The following TRPM3 variants were observed in gnomAD, a reference collection of about 807,000 sequenced individuals.
TRPM3 encodes the protein transient receptor potential cation channel subfamily M member 3.
Under a neutral mutation model 181.2 loss-of-function variants are expected in TRPM3, and 77 were observed. That is an observed-to-expected ratio of 0.42 (90% CI 0.35 to 0.51). The LOEUF (loss-of-function observed/expected upper bound fraction) is 0.51. Among genes scored for constraint, TRPM3 ranks in the 20% least tolerant of loss-of-function variants. The pLI is 0.01. For synonymous variants in TRPM3, 745 were observed against 796.4 expected, an observed-to-expected ratio of 0.94 and a Z score of 1.09; for missense variants, 1,759 against 2,196.7, an observed-to-expected ratio of 0.80 and a Z score of 3.98.
intron 1 of TRPM3, among the ~76,000 whole-genome samples, chr9:71,211,652 T>C (rs554326773): frequency 2.0e-5 from 3 of 152,318 alleles, no homozygotes; most frequent in African/African-American, 7.2e-5. Flanking sequence ...TGGCAATCTT[T>C]GGCATGCCTT....
intron 9 of TRPM3, among the ~76,000 whole-genome samples, chr9:70,644,154 A>G (rs1478725661): frequency 6.6e-6 from 1 of 152,222 alleles, no homozygotes; most frequent in Admixed American, 6.5e-5. Flanking sequence ...AGCTAAGGTC[A>G]ACCTCTTCAC....
In TRPM3 at chr9:71,055,217, T is replaced by C. The variant is rs530149756; in HGVS notation, c.177+65961A>G. On this transcript the variant is annotated intron_variant, in intron 1 of 25. Transcript: ENST00000677713. ...AAGAAATTTAATCAGGCAAGTGAGA[T>C]GGATCAAAGAGGAGAGCAAATCAAG... is the stretch of plus-strand genomic sequence containing the variant. Among the ~76,000 whole-genome samples, 85 of 152,146 alleles carry C rather than the reference T, an allele frequency of 5.6e-4. No homozygotes were observed. In the Middle Eastern group the frequency reaches 0.014, roughly 24 times the overall value.
Position 70,650,937 on chromosome 9 carries a change from T to C in TRPM3, c.1346-10277A>G, listed in dbSNP as rs1325361505. 3.9e-5 allele frequency among the ~76,000 whole-genome samples: 6 copies of C among 152,342 alleles called. No homozygotes were observed. The East Asian group carries it at 1.2e-3, about 29-fold the overall frequency. ...ATGAGTGCTTCAATAAGATTAAAAA[T>C]TTTTAAATTTTATGTTACCTACTTA... On this transcript the variant is annotated intron_variant, in intron 9 of 25. Transcript: ENST00000677713.
intron 1 of TRPM3, among the ~76,000 whole-genome samples, chr9:71,369,849 A>T (rs1012248320): frequency 6.6e-6 from 1 of 152,168 alleles, no homozygotes; most frequent in African/African-American, 2.4e-5. Flanking sequence ...CAGATTCAAG[A>T]TTTTGGCAAA....
At chr9:71,439,909 AG>A (rs2094110384) in intron 1 of TRPM3, among the ~76,000 whole-genome samples, 3 of 152,120 alleles carry the variant, frequency 2.0e-5, no homozygotes, top group Admixed American at 2.0e-4. Flanking sequence ...TCACGAGGTC[AG>A]GAGATCGAGA....
At chr9:70,887,260 T>C (rs73459229) in intron 1 of TRPM3, among the ~76,000 whole-genome samples, 10,048 of 152,204 alleles carry the variant, frequency 0.066, 988 homozygotes, top group African/African-American at 0.21. Context: ...CCTGTCAACA[T>C]GTAGTCTCCT....
intron 1 of TRPM3, among the ~76,000 whole-genome samples, chr9:70,882,975 A>C (rs1250338879): frequency 6.6e-6 from 1 of 152,216 alleles, no homozygotes; most frequent in Non-Finnish European, 1.5e-5. Flanking sequence ...CCATGGAAAC[A>C]TTTCCAAAAA....
At chr9:71,406,638 G>C (rs2093440626) in intron 1 of TRPM3, among the ~76,000 whole-genome samples, 1 of 152,162 alleles carries the variant, frequency 6.6e-6, no homozygotes, top group Non-Finnish European at 1.5e-5. Flanking sequence ...TAGATTAAGA[G>C]TGACTAGAAA....
chr9:71,166,586 T>C (rs2076552551), intron 1 of TRPM3, among the ~76,000 whole-genome samples: 1 of 152,268 alleles, frequency 6.6e-6, no homozygotes, highest in East Asian at 1.9e-4. Flanking sequence ...GGTTACAGTA[T>C]CTTGCCAAAA....
At chr9:71,165,439 G>T (rs2076492948) in intron 1 of TRPM3, among the ~76,000 whole-genome samples, 1 of 152,094 alleles carries the variant, frequency 6.6e-6, no homozygotes, top group South Asian at 2.1e-4. Flanking sequence ...ATCCATAGAA[G>T]ATAGGACATT....
intron 1 of TRPM3, among the ~76,000 whole-genome samples, chr9:71,193,305 T>C (rs887209381): frequency 6.6e-6 from 1 of 151,824 alleles, no homozygotes; most frequent in Non-Finnish European, 1.5e-5. Context: ...CCTGTAAATA[T>C]CTGAAAAAGT....
intron 1 of TRPM3, among the ~76,000 whole-genome samples, chr9:71,322,416 A>G (rs1344671789): frequency 6.6e-6 from 1 of 152,164 alleles, no homozygotes; most frequent in African/African-American, 2.4e-5. Flanking sequence ...TTTAAATGAA[A>G]GGTCATTAAG....
chr9:71,201,208 C>G (rs1352264521), intron 1 of TRPM3, among the ~76,000 whole-genome samples: 1 of 152,082 alleles, frequency 6.6e-6, no homozygotes, highest in East Asian at 1.9e-4. Flanking sequence ...GGTCCCCACT[C>G]TCTTCTGGCT....
intron 3 of TRPM3, among the ~76,000 whole-genome samples, chr9:70,860,969 G>C (rs753345151): frequency 6.6e-5 from 10 of 152,126 alleles, no homozygotes; most frequent in Non-Finnish European, 1.5e-4. Flanking sequence ...CCATGTCATA[G>C]CATTATATGA....
intron 7 of TRPM3, among the ~76,000 whole-genome samples, chr9:70,763,935 G>A (rs1040121703): frequency 6.6e-6 from 1 of 152,162 alleles, no homozygotes; most frequent in South Asian, 2.1e-4. Context: ...GGTTGGTAGG[G>A]TTGGGTAAGA....
chr9:70,656,814 C>A (rs2060407052), intron 9 of TRPM3, among the ~76,000 whole-genome samples: 1 of 151,720 alleles, frequency 6.6e-6, no homozygotes, highest in African/African-American at 2.4e-5. Context: ...TGTGTCCTTT[C>A]TAAAAAGGTG....
At chr9:70,917,092 T>G in intron 1 of TRPM3, 6 of 1,601,448 alleles carry the variant, frequency 3.7e-6, no homozygotes, top group Non-Finnish European at 5.1e-6. Context: ...ACAGGTCCAC[T>G]TTCAGAGAGA....
At chr9:70,924,709 A>G (rs1460064236) in intron 1 of TRPM3, among the ~76,000 whole-genome samples, 2 of 152,150 alleles carry the variant, frequency 1.3e-5, no homozygotes, top group Non-Finnish European at 2.9e-5. Flanking sequence ...GCGCTAAGCT[A>G]AAATTTGACA....
At chr9:70,888,384 T>C (rs1376914968) in intron 1 of TRPM3, among the ~76,000 whole-genome samples, 1 of 151,642 alleles carries the variant, frequency 6.6e-6, no homozygotes, top group Non-Finnish European at 1.5e-5. Context: ...TGTGTGTGTG[T>C]GTGTGTGTGT....
Sources: allele counts gnomAD v4.1 joint callset (sites outside exome capture counted in the v4.1 genomes callset), GRCh38; gene constraint gnomAD v4.1.1; transcripts MANE v1.5; gene names NCBI Gene and HGNC (gene_info 2026-07-23, HGNC 2026-07-21).